The following SIPA1L1 variants were observed in gnomAD, a reference collection of about 807,000 sequenced individuals.
The protein encoded by SIPA1L1 is signal-induced proliferation-associated 1-like protein 1.
In SIPA1L1, 26 loss-of-function variants were observed where a neutral mutation model predicts 162.7. That is an observed-to-expected ratio of 0.16 (90% CI 0.12 to 0.22). The LOEUF (loss-of-function observed/expected upper bound fraction) is 0.22. SIPA1L1 is among the 10% of genes least tolerant of loss of function. SIPA1L1 has a pLI of 1.00. For synonymous variants in SIPA1L1, 829 were observed against 837.4 expected, an observed-to-expected ratio of 0.99 and a Z score of 0.17; for missense variants, 1,874 against 2,241.0, an observed-to-expected ratio of 0.84 and a Z score of 3.31.
intron 5 of SIPA1L1, among the ~76,000 whole-genome samples, chr14:71,597,427 G>C (rs1454611572): frequency 6.6e-6 from 1 of 151,518 alleles, no homozygotes; most frequent in Non-Finnish European, 1.5e-5. Flanking sequence ...TATTTTTCTT[G>C]TTTTTTCTTC....
intron 3 of SIPA1L1, among the ~76,000 whole-genome samples, chr14:71,523,090 C>G (rs181626458): frequency 2.0e-4 from 31 of 152,072 alleles, no homozygotes; most frequent in Non-Finnish European, 3.4e-4. Flanking sequence ...TGTGATTTAT[C>G]CACCTAATGA....
At chr14:71,665,824 A>G (rs1211681729) in intron 10 of SIPA1L1, among the ~76,000 whole-genome samples, 2 of 152,192 alleles carry the variant, frequency 1.3e-5, no homozygotes, top group African/African-American at 4.8e-5. Flanking sequence ...TAATTTCTAA[A>G]TTAGGCACAG....
intron 2 of SIPA1L1, among the ~76,000 whole-genome samples, chr14:71,334,168 G>A (rs1346790931): frequency 2.0e-5 from 3 of 152,158 alleles, no homozygotes; most frequent in East Asian, 3.9e-4. Flanking sequence ...GGGCAGGTCT[G>A]TCAGTCTTCA....
intron 5 of SIPA1L1, among the ~76,000 whole-genome samples, chr14:71,611,061 C>T (rs1308202522): frequency 1.3e-5 from 2 of 152,130 alleles, no homozygotes; most frequent in Non-Finnish European, 2.9e-5. Context: ...GATTATGGTG[C>T]GAAGTCCTAG....
At chr14:71,564,927 T>A (rs1009356446) in intron 4 of SIPA1L1, among the ~76,000 whole-genome samples, 1 of 152,188 alleles carries the variant, frequency 6.6e-6, no homozygotes, top group Admixed American at 6.5e-5. Context: ...CACTTAAAGG[T>A]ATGTTTTTGG....
chr14:71,596,141 T>C (rs900925140), intron 5 of SIPA1L1, among the ~76,000 whole-genome samples: 2 of 152,220 alleles, frequency 1.3e-5, no homozygotes, highest in Non-Finnish European at 2.9e-5. Flanking sequence ...CTTCAGTCCT[T>C]CAAAGGAAAG....
At chr14:71,517,214 A>G (rs1044678327) in intron 3 of SIPA1L1, among the ~76,000 whole-genome samples, 3 of 152,030 alleles carry the variant, frequency 2.0e-5, no homozygotes, top group Admixed American at 6.6e-5. Context: ...TGTCTTGGAA[A>G]CATCTAGAAT....
In SIPA1L1 at chr14:71,509,939, G is replaced by A. The variant is rs947876908; in HGVS notation, c.-464-2804G>A. On this transcript the variant is annotated intron_variant, in intron 2 of 23. Coordinates refer to ENST00000381232, the MANE Select transcript of SIPA1L1 (RefSeq NM_001386936.1). ...GGATTGGTTTCTGTGAATCTCCTGG[G>A]TTTTTTTGGAAACACTGGCCTGTTT... Among the ~76,000 whole-genome samples the A allele has an allele frequency of 2.6e-5, 4 of 151,830 alleles. No homozygotes were observed. In the East Asian group the frequency reaches 7.7e-4, roughly 29 times the overall value.
chr14:71,446,567 C>T (rs2045358888), intron 2 of SIPA1L1, among the ~76,000 whole-genome samples: 1 of 151,964 alleles, frequency 6.6e-6, no homozygotes, highest in Non-Finnish European at 1.5e-5. Context: ...GACACTGTCT[C>T]TAAAAATATA....
chr14:71,490,667 A>G (rs1287147661), intron 2 of SIPA1L1, among the ~76,000 whole-genome samples: 1 of 152,192 alleles, frequency 6.6e-6, no homozygotes, highest in Non-Finnish European at 1.5e-5. Context: ...GCCATTAACT[A>G]GCTCCTACAA....
At chr14:71,722,376 C>T (rs2083823330) in intron 17 of SIPA1L1, among the ~76,000 whole-genome samples, 1 of 152,200 alleles carries the variant, frequency 6.6e-6, no homozygotes, top group Admixed American at 6.5e-5. Context: ...AGAGTCTGTA[C>T]TTTATTTAGG....
At chr14:71,674,844 G>A (rs186336159) in intron 12 of SIPA1L1, among the ~76,000 whole-genome samples, 72 of 151,798 alleles carry the variant, frequency 4.7e-4, no homozygotes, top group Middle Eastern at 6.8e-3. Context: ...GATTACAGGC[G>A]TGAGCCACCG....
At chr14:71,680,109 T>A (rs2045648376) in intron 12 of SIPA1L1, among the ~76,000 whole-genome samples, 1 of 152,178 alleles carries the variant, frequency 6.6e-6, no homozygotes, top group Non-Finnish European at 1.5e-5. Context: ...TCACCCAAAA[T>A]CAACAGAATA....
intron 2 of SIPA1L1, among the ~76,000 whole-genome samples, chr14:71,492,067 C>T (rs2049328162): frequency 1.3e-5 from 2 of 152,066 alleles, no homozygotes; most frequent in Admixed American, 6.6e-5. Flanking sequence ...TAGCATTGGC[C>T]GAGATGCCTG....
intron 2 of SIPA1L1, among the ~76,000 whole-genome samples, chr14:71,458,696 C>A (rs2046360805): frequency 6.6e-6 from 1 of 152,116 alleles, no homozygotes; most frequent in African/African-American, 2.4e-5. Flanking sequence ...TTACTTCTGC[C>A]AGAGTCACCC....
chr14:71,555,621 C>A (rs2146393708), intron 4 of SIPA1L1, among the ~76,000 whole-genome samples: 1 of 152,316 alleles, frequency 6.6e-6, no homozygotes, highest in South Asian at 2.1e-4. Flanking sequence ...CTGGTACAAT[C>A]CTAGCTTTCA....
At chr14:71,472,777 A>G (rs904957248) in intron 2 of SIPA1L1, among the ~76,000 whole-genome samples, 2 of 146,338 alleles carry the variant, frequency 1.4e-5, no homozygotes, top group African/African-American at 5.1e-5. Context: ...ATAATCATCT[A>G]GTATGTGCCA....
chr14:71,350,330 C>T (rs2140579857), intron 2 of SIPA1L1, among the ~76,000 whole-genome samples: 1 of 152,094 alleles, frequency 6.6e-6, no homozygotes, highest in Non-Finnish European at 1.5e-5. Context: ...ATTGCTTGAA[C>T]CCAGGAGGTG....
intron 3 of SIPA1L1, among the ~76,000 whole-genome samples, chr14:71,527,534 A>G (rs1188976516): frequency 6.6e-6 from 1 of 151,972 alleles, no homozygotes; most frequent in Non-Finnish European, 1.5e-5. Flanking sequence ...GGAGTTCTTT[A>G]TATGTTCTGA....
Sources: gnomAD v4.1 joint callset for allele counts (sites outside exome capture counted in the v4.1 genomes callset) on GRCh38, gnomAD v4.1.1 for gene constraint, MANE v1.5 for transcripts, NCBI Gene and HGNC (gene_info 2026-07-23, HGNC 2026-07-21) for gene names.